MLLT3: variants seen among roughly 807,000 people sequenced by gnomAD.
MLLT3 encodes protein AF-9.
A neutral mutation model predicts 53.2 loss-of-function variants in MLLT3; 4 were observed. The ratio of observed to expected loss-of-function variants is 0.08; its 90% CI spans 0.04 to 0.17. MLLT3 has a LOEUF of 0.17. Among genes scored for constraint, MLLT3 ranks in the 10% least tolerant of loss-of-function variants. MLLT3 has a pLI of 1.00. For synonymous variants in MLLT3, 283 were observed against 230.6 expected, an observed-to-expected ratio of 1.23 and a Z score of -2.06; for missense variants, 569 against 684.0, an observed-to-expected ratio of 0.83 and a Z score of 1.87.
chr9:20,552,213 T>TTTACACTCA (rs1818942624), intron 2 of MLLT3, among the ~76,000 whole-genome samples: 1 of 152,164 alleles, frequency 6.6e-6, no homozygotes, highest in African/African-American at 2.4e-5. Context: ...TGCAAAGAAC[T>TTTACACTCA]TTACACTCAC....
At chr9:20,386,324 G>GT (rs1182518510) in intron 5 of MLLT3, among the ~76,000 whole-genome samples, 6 of 152,188 alleles carry the variant, frequency 3.9e-5, no homozygotes, top group Admixed American at 2.6e-4. Context: ...ATGTTGAAGA[G>GT]TAAGGAGAAG....
At chr9:20,591,823 A>G (rs1820137682) in intron 2 of MLLT3, among the ~76,000 whole-genome samples, 1 of 152,218 alleles carries the variant, frequency 6.6e-6, no homozygotes, top group East Asian at 1.9e-4. Flanking sequence ...AAAACAGAAA[A>G]TTAATTCCCA....
chr9:20,501,592 A>G (rs1825229732), intron 2 of MLLT3, among the ~76,000 whole-genome samples: 1 of 151,904 alleles, frequency 6.6e-6, no homozygotes, highest in South Asian at 2.1e-4. Context: ...TCTACTAAAA[A>G]TACAAAAAAT....
intron 4 of MLLT3, among the ~76,000 whole-genome samples, chr9:20,445,832 C>G (rs1410923555): frequency 6.6e-6 from 1 of 152,092 alleles, no homozygotes; most frequent in Non-Finnish European, 1.5e-5. Context: ...TATCCTCTCT[C>G]CCACCACAAA....
At chr9:20,483,865 G>A (rs1052959722) in intron 2 of MLLT3, among the ~76,000 whole-genome samples, 5 of 104,152 alleles carry the variant, frequency 4.8e-5, no homozygotes, top group Non-Finnish European at 9.6e-5. Flanking sequence ...CCAGCACCAC[G>A]CAAGTCTAAT....
chr9:20,585,728 C>G (rs1819939423), intron 2 of MLLT3, among the ~76,000 whole-genome samples: 1 of 152,192 alleles, frequency 6.6e-6, no homozygotes, highest in African/African-American at 2.4e-5. Flanking sequence ...TCGCAAAATA[C>G]TCTTTTCACT....
chr9:20,466,098 T>C (rs1824232092), intron 2 of MLLT3, among the ~76,000 whole-genome samples: 1 of 152,194 alleles, frequency 6.6e-6, no homozygotes, highest in Non-Finnish European at 1.5e-5. Context: ...GGACTCATCC[T>C]AGTTTTAGAT....
chr9:20,396,858 G>A (rs1290566487), intron 5 of MLLT3, among the ~76,000 whole-genome samples: 1 of 152,018 alleles, frequency 6.6e-6, no homozygotes, highest in African/African-American at 2.4e-5. Context: ...AAAAATCAAG[G>A]AAAAAAGAAC....
In MLLT3 at chr9:20,580,820, A is replaced by C. The variant is rs552317717; in HGVS notation, c.193+39834T>G. Among the ~76,000 whole-genome samples, 4 of 152,356 alleles carry C rather than the reference A, an allele frequency of 2.6e-5. No individual in the cohort carries two copies. In the South Asian group the frequency reaches 8.3e-4, roughly 32 times the overall value. ...TTCTAATCATACACAGCAATGTGTA[A>C]GGAGAGCACCCCTCCCTCCAGTTCA... On this transcript the variant is annotated intron_variant, in intron 2 of 10. Coordinates refer to ENST00000380338, the MANE Select transcript of MLLT3 (RefSeq NM_004529.4).
chr9:20,553,864 A>G (rs1243260071), intron 2 of MLLT3, among the ~76,000 whole-genome samples: 1 of 152,080 alleles, frequency 6.6e-6, no homozygotes, highest in Non-Finnish European at 1.5e-5. Context: ...ACAAAAATAG[A>G]CAATCACAAC....
At chr9:20,536,808 T>G in intron 2 of MLLT3, among the ~76,000 whole-genome samples, 1 of 150,174 alleles carries the variant, frequency 6.7e-6, no homozygotes, top group African/African-American at 2.5e-5. Context: ...TTTTCTCCAC[T>G]CCAGTATGGG....
intron 4 of MLLT3, among the ~76,000 whole-genome samples, chr9:20,436,360 A>G (rs566458780): frequency 6.6e-6 from 1 of 152,304 alleles, no homozygotes; most frequent in South Asian, 2.1e-4. Context: ...TCTAATTATC[A>G]TATTCTCCAC....
chr9:20,359,307 C>A (rs1266344645), intron 8 of MLLT3, among the ~76,000 whole-genome samples: 1 of 152,124 alleles, frequency 6.6e-6, no homozygotes, highest in African/African-American at 2.4e-5. Flanking sequence ...TGTCTTTCCT[C>A]TTTTTACTTT....
chr9:20,526,338 G>T (rs183713411), intron 2 of MLLT3, among the ~76,000 whole-genome samples: 2 of 152,226 alleles, frequency 1.3e-5, no homozygotes, highest in East Asian at 3.9e-4. Context: ...GCCTTCCCCA[G>T]TACCCACTAA....
intron 10 of MLLT3, among the ~76,000 whole-genome samples, chr9:20,350,571 GGC>G (rs1820994336): frequency 7.4e-6 from 1 of 134,466 alleles, no homozygotes; most frequent in South Asian, 2.4e-4. Flanking sequence ...CTCCAGCCTG[GGC>G]GACAGAGCGA....
intron 2 of MLLT3, among the ~76,000 whole-genome samples, chr9:20,565,047 T>C (rs1220410463): frequency 1.3e-5 from 2 of 152,082 alleles, no homozygotes; most frequent in Non-Finnish European, 2.9e-5. Context: ...GATATCACTA[T>C]AGTACTGGCA....
chr9:20,571,711 G>C (rs1819537877), intron 2 of MLLT3, among the ~76,000 whole-genome samples: 1 of 152,028 alleles, frequency 6.6e-6, no homozygotes, highest in Non-Finnish European at 1.5e-5. Context: ...TTTTAAAATG[G>C]GCAAAGGACC....
At chr9:20,613,304 T>C (rs1820745597) in intron 2 of MLLT3, among the ~76,000 whole-genome samples, 2 of 152,082 alleles carry the variant, frequency 1.3e-5, no homozygotes, top group African/African-American at 4.8e-5. Flanking sequence ...ATATCTCAAT[T>C]GTAAAAAAAA....
intron 2 of MLLT3, among the ~76,000 whole-genome samples, chr9:20,490,638 G>A (rs1430048696): frequency 6.6e-6 from 1 of 152,178 alleles, no homozygotes; most frequent in Non-Finnish European, 1.5e-5. Context: ...AACAAGTTGG[G>A]GCAGTCCCAG....
Sources: allele counts gnomAD v4.1 joint callset (sites outside exome capture counted in the v4.1 genomes callset), GRCh38; gene constraint gnomAD v4.1.1; transcripts MANE v1.5; gene names NCBI Gene and HGNC (gene_info 2026-07-23, HGNC 2026-07-21).